Variants in USP6 observed in about 807,000 individuals in gnomAD.
USP6 encodes ubiquitin specific peptidase 6, also known as ubiquitin carboxyl-terminal hydrolase 6.
A neutral mutation model predicts 175.7 loss-of-function variants in USP6; 128 were observed. That is an observed-to-expected ratio of 0.73 (90% confidence interval 0.63 to 0.84). The LOEUF is 0.84. USP6 is among the 40% of genes least tolerant of loss of function. USP6 has a pLI of 0.00. For missense variants in USP6, 1,498 were observed against 1,760.3 expected (o/e 0.85, Z 2.67); for synonymous variants, 562 against 630.6 (o/e 0.89, Z 1.63).
chr17:5,173,957 ACTTG>A lies in USP6; in HGVS notation c.*984_*987del, dbSNP rs1357814700. On this transcript the variant is annotated 3_prime_UTR_variant, in exon 38 of 38. Coordinates refer to ENST00000574788, the MANE Select transcript of USP6 (RefSeq NM_001304284.2). The stretch of plus-strand genomic sequence containing the variant: ...AAAAAGAGAGAACACATGCAAATGA[ACTTG>A]CTTGTGTGTATTTGATGGCTCTAAG... 4.6e-6 allele frequency: 1 copy of A among 218,070 alleles called. No homozygotes were observed. Among genetic ancestry groups the A allele is most frequent in the African/African-American group, 2.2e-5 (1 of 44,476 alleles). The allele number at this position is 218,070 out of a possible 1,614,324, so 13.5% of individuals were successfully genotyped here.
intron 2 of USP6, among the ~76,000 whole-genome samples, chr17:5,118,606 GGGT>G (rs2072584114): frequency 6.6e-6 from 1 of 152,256 alleles, no homozygotes; most frequent in Non-Finnish European, 1.5e-5. Context: ...TGAGGGCAAA[GGGT>G]GAGTGTGACA....
Position 5,137,121 on chromosome 17 carries a change from G to A in USP6, c.760G>A (p.Asp254Asn). 1.2e-6 allele frequency: 2 copies of A among 1,613,504 alleles called. No individual in the cohort carries two copies. The highest frequency in any genetic ancestry group is 2.2e-5 in the South Asian group (2 of 91,076). Residue 254 changes from aspartate to asparagine, a missense_variant and splice_region_variant, in exon 19 of 38, where the codon GAC becomes AAC. Transcript: ENST00000574788. ...KSQPKTMWHQ[D>N]KEGLCGQCAS... ...TGAGCACCTCTGTTCATCCCATCAG[G>A]ACAAGGAAGGTCTATGCGGGCAGTG...
chr17:5,125,549 T>A (rs928717826), intron 5 of USP6, among the ~76,000 whole-genome samples: 8 of 152,002 alleles, frequency 5.3e-5, no homozygotes, highest in African/African-American at 1.7e-4. Context: ...ATGAAAACAC[T>A]CTCTTGCTGT....
chr17:5,130,695 C>T lies in USP6; in HGVS notation c.155+11C>T. The T allele has an allele frequency of 6.2e-7, 1 of 1,613,816 alleles. No individual in the cohort carries two copies. The highest frequency in any genetic ancestry group is 2.2e-5 in the East Asian group (1 of 44,884). ...TTTTGGCATTTTGCAGTGAGTCATC[C>T]TCTATGCTCCCCTCACCCCTAAAGC... On this transcript the variant is annotated intron_variant, in intron 11 of 37. Coordinates refer to ENST00000574788, the MANE Select transcript of USP6 (RefSeq NM_001304284.2).
chr17:5,136,464 C>T (rs2073257084), intron 17 of USP6, among the ~76,000 whole-genome samples, 176 bp from the exon 18 acceptor site: 1 of 152,234 alleles, frequency 6.6e-6, no homozygotes, highest in African/African-American at 2.4e-5. Flanking sequence ...CAGCCAGGCT[C>T]CAGGGGATGT....
rs1374296710 is a variant in USP6, at chr17:5,132,733, C to T, written c.196-177C>T. ...GCCTGAGGATGGCATGTCCCGGGGT[C>T]CCAAAGCCAGCCCATTGGTGCTCAT... On this transcript the variant is annotated intron_variant, in intron 12 of 37. Coordinates refer to ENST00000574788, the MANE Select transcript of USP6 (RefSeq NM_001304284.2). The surrounding 1 kb of genome is among the most constrained non-coding windows in gnomAD (Gnocchi z 4.7). 6.6e-6 allele frequency among the ~76,000 whole-genome samples: 1 copy of T among 152,064 alleles called. No individual in the cohort carries two copies. The highest frequency in any genetic ancestry group is 2.4e-5 in the African/African-American group (1 of 41,400).
chr17:5,126,196 AAG>A (rs71370047), intron 6 of USP6, among the ~76,000 whole-genome samples: 74,899 of 151,854 alleles, frequency 0.49, 20,741 homozygotes, highest in Non-Finnish European at 0.64. Context: ...TTCTTACTGA[AAG>A]AGAGAAGCAG....
intron 2 of USP6, 85 bp from the exon 3 acceptor site, chr17:5,120,542 C>G (rs908774838): frequency 2.0e-5 from 7 of 350,826 alleles, no homozygotes; most frequent in African/African-American, 1.5e-4. Context: ...TCATCTGCAC[C>G]TGTCTCTCCG....
intron 31 of USP6, 65 bp from the exon 32 acceptor site, chr17:5,161,463 T>A: frequency 2.6e-6 from 4 of 1,535,758 alleles, no homozygotes; most frequent in Non-Finnish European, 2.7e-6. Context: ...CAAGAGAAGA[T>A]GAAAAGGAGT....
intron 4 of USP6, among the ~76,000 whole-genome samples, chr17:5,123,919 G>GCACACACA (rs150315519): frequency 1.3e-5 from 2 of 150,198 alleles, no homozygotes; most frequent in African/African-American, 4.9e-5. Flanking sequence ...ACACACACAC[G>GCACACACA]CACACACACA....
intron 27 of USP6, among the ~76,000 whole-genome samples, 193 bp downstream of exon 27, chr17:5,145,772 A>G (rs1157953609): frequency 1.3e-5 from 2 of 152,136 alleles, no homozygotes; most frequent in African/African-American, 4.8e-5. Flanking sequence ...TTGGTTTCAA[A>G]TATGCCAGCA....
At chr17:5,152,802 G>T (rs2073802088) in intron 30 of USP6, among the ~76,000 whole-genome samples, 3 of 152,096 alleles carry the variant, frequency 2.0e-5, no homozygotes, top group African/African-American at 7.2e-5. Context: ...TTTAAGACCA[G>T]CCTGGGCAAC....
chr17:5,146,969 G>A (rs756174185), intron 28 of USP6, 114 bp from the exon 29 acceptor site: 80 of 1,070,866 alleles, frequency 7.5e-5, no homozygotes, highest in Non-Finnish European at 9.3e-5. Flanking sequence ...CAATCATCTC[G>A]TTGGTTTTAT....
Position 5,171,676 on chromosome 17 carries a change from TGA to T in USP6, c.4046_4047del (p.Glu1349GlyfsTer5). 6.2e-7 allele frequency: 1 copy of T among 1,613,262 alleles called. No homozygotes were observed. ...KWYCYNDSSC[E>X]ELHPDEIDTD... ...GGTACTGTTATAATGACAGCAGCTG[TGA>T]GGTAAACATTCTCAATCTTTGAATG... On this transcript the variant is annotated frameshift_variant and splice_region_variant, in exon 37 of 38. Coordinates refer to ENST00000574788, the MANE Select transcript of USP6 (RefSeq NM_001304284.2). LOFTEE classifies it high-confidence loss of function.
In USP6 at chr17:5,139,369, G is replaced by C. The variant is rs374751662; in HGVS notation, c.1193G>C (p.Arg398Pro). The C allele has an allele frequency of 6.2e-7, 1 of 1,613,132 alleles. No homozygotes were observed. Among genetic ancestry groups the C allele is most frequent in the Non-Finnish European group, 8.5e-7 (1 of 1,180,018 alleles). Reference sequence around the variant, plus strand: ...CCAGGCCCACCAGCCCAGTTCCAGCGGCCCATTTGCTCAGCTTCCCCGCCA... The same window carrying C: ...CCAGGCCCACCAGCCCAGTTCCAGCCGCCCATTTGCTCAGCTTCCCCGCCA... Reference protein sequence around the residue: ...APPGPPAQFQRPICSASPPWA... With the variant: ...APPGPPAQFQPPICSASPPWA... The change falls in exon 22 of 38, where the codon CGG (arginine) becomes CCG (proline). Residue 398 changes from arginine to proline, a missense_variant. Arg to Pro is a moderately radical substitution (Grantham distance 103, BLOSUM62 -2). This residue lies in a region of USP6 where 1,217 missense variants were observed against 1,500.8 expected (regional missense o/e 0.81). Coordinates refer to ENST00000574788, the MANE Select transcript of USP6 (RefSeq NM_001304284.2).
intron 17 of USP6, among the ~76,000 whole-genome samples, chr17:5,136,338 CTT>C (rs2073253103): frequency 6.6e-6 from 1 of 152,350 alleles, no homozygotes; most frequent in African/African-American, 2.4e-5. Flanking sequence ...CCCGACCCCA[CTT>C]CCAGGAGATG....
intron 10 of USP6, 79 bp downstream of exon 10, chr17:5,130,518 C>G (rs760245370): frequency 2.5e-5 from 40 of 1,610,848 alleles, no homozygotes; most frequent in Non-Finnish European, 3.4e-5. Context: ...CCTAGGAGCA[C>G]AGGGCAGGGA....
rs375951963 is a variant in USP6 at position 5,167,972 on chromosome 17, C to T, written c.3077C>T (p.Ala1026Val). ...KHESVEQSRRAQAEPINLDSC... is the reference protein window; with the variant it reads ...KHESVEQSRRVQAEPINLDSC... ...GAGAGTGTGGAGCAGAGTCGGCGAG[C>T]GCAAGCCGAGCCCATCAACCTGGAC... is the stretch of plus-strand genomic sequence containing the variant. Residue 1026 changes from alanine (A) to valine (V), a missense_variant, in exon 34 of 38, where the codon GCG (alanine) becomes GTG (valine). By Grantham distance (64) the Ala-to-Val change is moderately conservative. Around this residue, in one of 2 missense-constraint regions of USP6, gnomAD observed 1,217 missense variants for 1,500.8 expected, o/e 0.81. Coordinates refer to ENST00000574788, the MANE Select transcript of USP6 (RefSeq NM_001304284.2). 6.1e-5 allele frequency: 98 copies of T among 1,611,928 alleles called. No individual in the cohort carries two copies. In the African/African-American group the frequency reaches 1.1e-3, roughly 18 times the overall value.
chr17:5,123,919 GCACA>G (rs150315519), intron 4 of USP6, among the ~76,000 whole-genome samples: 26,611 of 150,220 alleles, frequency 0.18, 2,484 homozygotes, highest in Non-Finnish European at 0.19. Flanking sequence ...ACACACACAC[GCACA>G]CACACACACA....
Sources: allele counts gnomAD v4.1 joint callset (sites outside exome capture counted in the v4.1 genomes callset), GRCh38; gene constraint gnomAD v4.1.1; regional missense constraint gnomAD v4.1.1; non-coding constraint Gnocchi (gnomAD v3.1); transcripts MANE v1.5; gene names NCBI Gene and HGNC (gene_info 2026-07-23, HGNC 2026-07-21).